Variants in DLG2 observed in about 807,000 individuals in gnomAD.
DLG2 encodes the protein discs large MAGUK scaffold protein 2, also known as disks large homolog 2.
In DLG2, 45 loss-of-function variants were observed where a neutral mutation model predicts 132.5. The observed-to-expected ratio is 0.34, with a 90% CI of 0.27 to 0.44. DLG2 has a LOEUF of 0.44. Ranked by LOEUF, DLG2 falls within the 20% of genes least tolerant of loss-of-function variation. The probability of loss-of-function intolerance (pLI) is 1.00; values close to 1 mark genes in which losing one functional copy is unlikely to be tolerated. For synonymous variants in DLG2, 424 were observed against 419.6 expected (o/e 1.01, Z -0.13); for missense variants, 1,045 against 1,196.9 (o/e 0.87, Z 1.87).
intron 3 of DLG2, among the ~76,000 whole-genome samples, chr11:85,435,912 T>TAC (rs2091455015): frequency 6.6e-6 from 1 of 152,038 alleles, no homozygotes; most frequent in African/African-American, 2.4e-5. Context: ...CTTCAAACTA[T>TAC]ACTACAAGGC....
intron 7 of DLG2, among the ~76,000 whole-genome samples, chr11:84,398,303 A>G (rs963737795): frequency 6.6e-6 from 1 of 152,220 alleles, no homozygotes; most frequent in Non-Finnish European, 1.5e-5. Flanking sequence ...TAGTGCAAGA[A>G]CAAGGAGGAA....
intron 8 of DLG2, among the ~76,000 whole-genome samples, chr11:84,164,081 C>T (rs1259265339): frequency 1.3e-5 from 2 of 152,084 alleles, no homozygotes; most frequent in African/African-American, 4.8e-5. Context: ...ACCTATGTAC[C>T]TCAGTAGCAG....
At chr11:84,662,302 A>G (rs1352017423) in intron 6 of DLG2, among the ~76,000 whole-genome samples, 1 of 148,808 alleles carries the variant, frequency 6.7e-6, no homozygotes, top group Non-Finnish European at 1.5e-5. Flanking sequence ...TCAGCCTCCC[A>G]AGTAGCTGGG....
At chr11:85,467,897 C>T (rs552353431) in intron 3 of DLG2, among the ~76,000 whole-genome samples, 1 of 152,230 alleles carries the variant, frequency 6.6e-6, no homozygotes, top group African/African-American at 2.4e-5. Context: ...ACCAGCAACT[C>T]CTTGTACCTC....
At chr11:84,804,772 C>A (rs979588614) in intron 6 of DLG2, among the ~76,000 whole-genome samples, 1 of 152,142 alleles carries the variant, frequency 6.6e-6, no homozygotes, top group East Asian at 1.9e-4. Flanking sequence ...TAACCCCACC[C>A]AAAAAGACCA....
At chr11:84,972,055 AG>A (rs923530656) in intron 6 of DLG2, among the ~76,000 whole-genome samples, 2 of 151,978 alleles carry the variant, frequency 1.3e-5, no homozygotes, top group Non-Finnish European at 2.9e-5. Context: ...TATGACTCAG[AG>A]GGGGGGAAAA....
intron 4 of DLG2, among the ~76,000 whole-genome samples, chr11:85,215,232 T>TA (rs2082505057): frequency 6.6e-6 from 1 of 152,166 alleles, no homozygotes; most frequent in Non-Finnish European, 1.5e-5. Flanking sequence ...TGTGACTGAA[T>TA]AAAAAATTAC....
chr11:85,492,800 G>T (rs1306636787), intron 3 of DLG2, among the ~76,000 whole-genome samples: 1 of 151,562 alleles, frequency 6.6e-6, no homozygotes, highest in African/African-American at 2.4e-5. Context: ...ACTTCTTCTA[G>T]CAGCTGAACC....
At chr11:83,575,008 G>C (rs1341960524) in intron 19 of DLG2, among the ~76,000 whole-genome samples, 8 of 152,156 alleles carry the variant, frequency 5.3e-5, no homozygotes, top group Admixed American at 5.2e-4. Context: ...TCTAAGACTT[G>C]CCTAAGTAAG....
chr11:84,912,023 T>C (rs1051891971), intron 6 of DLG2, among the ~76,000 whole-genome samples: 20 of 152,216 alleles, frequency 1.3e-4, no homozygotes, highest in Non-Finnish European at 2.6e-4. Context: ...TCCTAGCCCA[T>C]GTTCTTGGGA....
At chr11:84,850,712 T>C (rs2082070749) in intron 6 of DLG2, among the ~76,000 whole-genome samples, 1 of 152,126 alleles carries the variant, frequency 6.6e-6, no homozygotes, top group Non-Finnish European at 1.5e-5. Context: ...GGATGCAAGA[T>C]GAACATACAA....
intron 19 of DLG2, among the ~76,000 whole-genome samples, chr11:83,574,182 G>A (rs1045674001): frequency 6.6e-6 from 1 of 152,100 alleles, no homozygotes; most frequent in Non-Finnish European, 1.5e-5. Context: ...TTGGAGAAAG[G>A]TGGAGGGTCC....
chr11:85,363,159 T>C (rs912952728), intron 3 of DLG2, among the ~76,000 whole-genome samples: 19 of 152,196 alleles, frequency 1.2e-4, no homozygotes, highest in African/African-American at 4.6e-4. Flanking sequence ...TTTTAGAACA[T>C]CTGAAGAGTA....
At chr11:84,560,617 T>C (rs2099425379) in intron 6 of DLG2, among the ~76,000 whole-genome samples, 1 of 152,036 alleles carries the variant, frequency 6.6e-6, no homozygotes, top group Non-Finnish European at 1.5e-5. Flanking sequence ...TGTGGAAAGG[T>C]AAAATAAAAC....
intron 17 of DLG2, among the ~76,000 whole-genome samples, chr11:83,831,508 CTG>C (rs753506616): frequency 2.1e-4 from 31 of 148,074 alleles, no homozygotes; most frequent in Non-Finnish European, 3.3e-4. Flanking sequence ...TTCAGGTAAA[CTG>C]TGTGTGTGTG....
intron 3 of DLG2, chr11:85,286,015 G>A: frequency 2.7e-6 from 1 of 364,956 alleles, no homozygotes. Flanking sequence ...ATGAAATGCA[G>A]ACTGTTACAA....
chr11:85,386,336 T>C (rs1372871430), intron 3 of DLG2, among the ~76,000 whole-genome samples: 2 of 152,162 alleles, frequency 1.3e-5, no homozygotes, highest in African/African-American at 4.8e-5. Context: ...TGATGTTTGG[T>C]AAGATAAAAT....
intron 6 of DLG2, among the ~76,000 whole-genome samples, chr11:84,719,433 C>T (rs529022338): frequency 2.0e-4 from 30 of 152,272 alleles, no homozygotes; most frequent in African/African-American, 7.0e-4. Context: ...AATCCACTGG[C>T]TTTTCACAAC....
intron 6 of DLG2, among the ~76,000 whole-genome samples, chr11:84,597,226 A>G (rs1389620497): frequency 1.3e-5 from 2 of 152,162 alleles, no homozygotes; most frequent in African/African-American, 4.8e-5. Context: ...TCTCAAAAAA[A>G]GAAAAAAGAA....
Sources: allele counts gnomAD v4.1 joint callset (sites outside exome capture counted in the v4.1 genomes callset), GRCh38; gene constraint gnomAD v4.1.1; transcripts MANE v1.5; gene names NCBI Gene and HGNC (gene_info 2026-07-23, HGNC 2026-07-21).